The following STAMBPL1 variants were observed in gnomAD, a reference collection of about 807,000 sequenced individuals.
The protein encoded by STAMBPL1 is AMSH-like protease.
STAMBPL1 carries 44 observed loss-of-function variants against 52.9 expected under a neutral mutation model. The ratio of observed to expected loss-of-function variants is 0.83; its 90% CI spans 0.65 to 1.07. The LOEUF (loss-of-function observed/expected upper bound fraction) is 1.07. STAMBPL1 is among the 50% of genes least tolerant of loss of function. The pLI, the probability that STAMBPL1 is intolerant of heterozygous loss-of-function variation, is 0.00. For synonymous variants in STAMBPL1, 164 were observed against 177.3 expected (o/e 0.92, Z 0.60); for missense variants, 511 against 520.8 (o/e 0.98, Z 0.18).
Position 88,913,444 on chromosome 10 carries a change from T to C in STAMBPL1, c.764T>C (p.Leu255Pro), listed in dbSNP as rs1361784066. 2 of 1,611,740 alleles carry C rather than the reference T, an allele frequency of 1.2e-6. No homozygotes were observed. The highest frequency in any genetic ancestry group is 2.2e-5 in the East Asian group (1 of 44,864). Reference protein sequence around the residue: ...VNRALTPAATLSAVQNLVVEG... With the variant: ...VNRALTPAATPSAVQNLVVEG... ...AGGGCCTTAACGCCAGCTGCTACTCTAAGTGCTGTTCAGAGTAAGTGATGA... is the reference window on the plus strand; with the variant it reads ...AGGGCCTTAACGCCAGCTGCTACTCCAAGTGCTGTTCAGAGTAAGTGATGA... The change falls in exon 6 of 11, where the codon CTA becomes CCA. Residue 255 changes from leucine (L) to proline (P), a missense_variant. This residue lies in a region of STAMBPL1 where 358 missense variants were observed against 343.5 expected (regional missense o/e 1.04). Transcript: ENST00000371926.
At chr10:88,902,937 G>T (rs894109350) in intron 2 of STAMBPL1, among the ~76,000 whole-genome samples, 1 of 152,130 alleles carries the variant, frequency 6.6e-6, no homozygotes, top group Non-Finnish European at 1.5e-5. Flanking sequence ...TATTTGGAAA[G>T]GTAGACAATT....
chr10:88,912,298 A>C (rs916482765), intron 5 of STAMBPL1: 5 of 152,222 alleles, frequency 3.3e-5, no homozygotes, highest in Admixed American at 3.3e-4. Context: ...CCGCCATCTT[A>C]CAGTAGCTCC....
intron 2 of STAMBPL1, among the ~76,000 whole-genome samples, chr10:88,905,113 G>A (rs1485381238): frequency 1.3e-5 from 2 of 152,124 alleles, no homozygotes; most frequent in African/African-American, 4.8e-5. Context: ...CCAGATAGAA[G>A]CATGCACAGG....
intron 2 of STAMBPL1, 104 bp downstream of exon 2, chr10:88,901,842 C>A: frequency 8.5e-7 from 1 of 1,170,614 alleles, no homozygotes; most frequent in Non-Finnish European, 1.2e-6. Flanking sequence ...AGAAGTTTAG[C>A]ACTTGTAGTT....
At chr10:88,921,004 CTATT>C (rs1845496232) in intron 8 of STAMBPL1, among the ~76,000 whole-genome samples, 1 of 152,110 alleles carries the variant, frequency 6.6e-6, no homozygotes, top group Admixed American at 6.6e-5. Flanking sequence ...ATATGAGAAT[CTATT>C]TAAAGCCCCT....
At chr10:88,913,029 G>GA (rs1845266229) in intron 5 of STAMBPL1, 72 bp from the exon 6 acceptor site, 1 of 1,316,518 alleles carries the variant, frequency 7.6e-7, no homozygotes, top group African/African-American at 1.5e-5. Flanking sequence ...CTTGAAGACT[G>GA]AAAATGTCTA....
chr10:88,900,276 C>T (rs530920462), intron 1 of STAMBPL1, among the ~76,000 whole-genome samples: 1 of 152,242 alleles, frequency 6.6e-6, no homozygotes, highest in South Asian at 2.1e-4. Context: ...CCATCTTAAC[C>T]CCTTGTTTCC....
At chr10:88,901,133 G>C (rs1233504289) in intron 1 of STAMBPL1, 1 of 152,070 alleles carries the variant, frequency 6.6e-6, no homozygotes, top group Non-Finnish European at 1.5e-5. Context: ...CATGACCTTT[G>C]CTGTCTTCTA....
intron 1 of STAMBPL1, among the ~76,000 whole-genome samples, chr10:88,884,212 G>C (rs1844473769): frequency 6.6e-6 from 1 of 152,184 alleles, no homozygotes; most frequent in African/African-American, 2.4e-5. Context: ...GCTTATCACT[G>C]TTCTGAAGTA....
chr10:88,922,920 A>G (rs541741969), intron 10 of STAMBPL1, among the ~76,000 whole-genome samples: 1 of 152,074 alleles, frequency 6.6e-6, no homozygotes, highest in Non-Finnish European at 1.5e-5. Flanking sequence ...TTCTGTGGCT[A>G]TAACATCAGA....
chr10:88,903,931 A>G (rs1004658741), intron 2 of STAMBPL1, among the ~76,000 whole-genome samples: 1 of 152,204 alleles, frequency 6.6e-6, no homozygotes, highest in African/African-American at 2.4e-5. Flanking sequence ...ATCATTTCAG[A>G]TCTCTGAGGT....
chr10:88,912,733 A>C, intron 5 of STAMBPL1: 33 of 163,486 alleles, frequency 2.0e-4, no homozygotes, highest in East Asian at 6.9e-4. Context: ...ACATGTGGCT[A>C]GTGGCCACTA....
intron 6 of STAMBPL1, among the ~76,000 whole-genome samples, chr10:88,913,945 G>T (rs537363116): frequency 6.6e-6 from 1 of 152,086 alleles, no homozygotes; most frequent in East Asian, 1.9e-4. Flanking sequence ...GTGTGTTTCC[G>T]CAAGAATTAG....
intron 1 of STAMBPL1, among the ~76,000 whole-genome samples, chr10:88,883,488 A>T (rs537588236): frequency 1.1e-3 from 172 of 152,344 alleles, no homozygotes; most frequent in African/African-American, 4.0e-3. Flanking sequence ...TTGACATCAG[A>T]ATGTTCAACT....
At chr10:88,881,086 G>C (rs1300731827) in intron 1 of STAMBPL1, among the ~76,000 whole-genome samples, 1 of 152,108 alleles carries the variant, frequency 6.6e-6, no homozygotes, top group Non-Finnish European at 1.5e-5. Flanking sequence ...TAGAAAAACG[G>C]ACCTTTACCC....
intron 2 of STAMBPL1, 110 bp downstream of exon 2, chr10:88,901,848 T>C: frequency 9.6e-7 from 1 of 1,047,118 alleles, no homozygotes. Flanking sequence ...TTAGCACTTG[T>C]AGTTTTTCAT....
chr10:88,921,132 G>T, intron 8 of STAMBPL1, 151 bp from the exon 9 acceptor site: 1 of 563,128 alleles, frequency 1.8e-6, no homozygotes, highest in Admixed American at 3.2e-5. Flanking sequence ...TTGGCATAAA[G>T]GGAAGGATTA....
At chr10:88,916,471 CA>C (rs1845371951) in intron 7 of STAMBPL1, among the ~76,000 whole-genome samples, 1 of 148,406 alleles carries the variant, frequency 6.7e-6, no homozygotes, top group Admixed American at 6.7e-5. Flanking sequence ...AAAGTTTTGG[CA>C]AAGAATCCAT....
At chr10:88,882,052 T>G (rs929928157) in intron 1 of STAMBPL1, 1 of 152,352 alleles carries the variant, frequency 6.6e-6, no homozygotes, top group East Asian at 1.9e-4. Context: ...AATCTGCTTT[T>G]GCGTATACGT....
Sources: allele counts gnomAD v4.1 joint callset (sites outside exome capture counted in the v4.1 genomes callset), GRCh38; gene constraint gnomAD v4.1.1; regional missense constraint gnomAD v4.1.1; transcripts MANE v1.5; gene names NCBI Gene and HGNC (gene_info 2026-07-23, HGNC 2026-07-21).